The following ABCB5 variants were observed in gnomAD, a reference collection of about 807,000 sequenced individuals.
ABCB5 encodes ATP-binding cassette sub-family B member 5.
Under a neutral mutation model 144.2 loss-of-function variants are expected in ABCB5, and 155 were observed. That is an observed-to-expected ratio of 1.08 (90% CI 0.94 to 1.23). The LOEUF is 1.23. Among genes scored for constraint, ABCB5 ranks in the 50% most tolerant of loss-of-function variants. ABCB5 has a pLI of 0.00. For missense variants in ABCB5, 1,830 were observed against 1,520.8 expected, an observed-to-expected ratio of 1.20 and a Z score of -3.38; for synonymous variants, 610 against 528.6, an observed-to-expected ratio of 1.15 and a Z score of -2.11.
intron 14 of ABCB5, among the ~76,000 whole-genome samples, chr7:20,680,915 T>A (rs1785771545): frequency 6.6e-6 from 1 of 152,166 alleles, no homozygotes; most frequent in Non-Finnish European, 1.5e-5. Flanking sequence ...GATACTTGAA[T>A]ATTTAAAACA....
At chr7:20,727,955 GA>G (rs1469731843) in intron 22 of ABCB5, among the ~76,000 whole-genome samples, 1 of 152,088 alleles carries the variant, frequency 6.6e-6, no homozygotes, top group African/African-American at 2.4e-5. Context: ...TTCTGTTAAT[GA>G]AAGATTGTAA....
chr7:20,643,487 T>C lies in ABCB5; in HGVS notation c.533T>C (p.Ile178Thr), dbSNP rs758956710. 3.7e-6 allele frequency: 6 copies of C among 1,613,930 alleles called. No homozygotes were observed. In the South Asian group the frequency reaches 6.6e-5, roughly 18 times the overall value. The change falls in exon 7 of 28, where the codon ATT (isoleucine) becomes ACT (threonine). Residue 178 changes from isoleucine to threonine, a missense_variant. Physicochemically the swap from Ile to Thr is moderately conservative, Grantham distance 89. Coordinates refer to ENST00000404938, the MANE Select transcript of ABCB5 (RefSeq NM_001163941.2). ...TDDIDKISDG[I>T]GDKIALLFQN... ...GACATTGACAAAATCAGTGATGGTA[T>C]TGGAGATAAGATTGCTCTGTTGTTT... is the stretch of plus-strand genomic sequence containing the variant.
chr7:20,711,730 G>A (rs71530673), intron 20 of ABCB5, among the ~76,000 whole-genome samples: 63,901 of 128,354 alleles, frequency 0.5, 19,423 homozygotes, highest in East Asian at 0.84. Context: ...CTGGGATTAT[G>A]GGTGTGAGCC....
chr7:20,723,294 T>C, intron 21 of ABCB5, 75 bp downstream of exon 21: 3 of 1,383,108 alleles, frequency 2.2e-6, no homozygotes, highest in Non-Finnish European at 3.0e-6. Context: ...ATGTTAACTA[T>C]ATGATGTGTT....
At chr7:20,730,988 A>G (rs1347694968) in intron 23 of ABCB5, among the ~76,000 whole-genome samples, 1 of 152,160 alleles carries the variant, frequency 6.6e-6, no homozygotes, top group Non-Finnish European at 1.5e-5. Flanking sequence ...AAATTCTCAC[A>G]GAAGAATTTT....
intron 23 of ABCB5, among the ~76,000 whole-genome samples, chr7:20,738,563 T>C (rs1390421168): frequency 6.6e-6 from 1 of 152,190 alleles, no homozygotes; most frequent in Non-Finnish European, 1.5e-5. Context: ...CTACATTATA[T>C]GCAAAACAAA....
intron 5 of ABCB5, among the ~76,000 whole-genome samples, chr7:20,639,354 G>A (rs925782207): frequency 6.6e-6 from 1 of 152,006 alleles, no homozygotes; most frequent in East Asian, 1.9e-4. Flanking sequence ...TTTTAACTTC[G>A]GTAAAGTTCA....
intron 4 of ABCB5, among the ~76,000 whole-genome samples, chr7:20,630,111 T>G (rs1254613526): frequency 6.6e-6 from 1 of 152,216 alleles, no homozygotes; most frequent in Non-Finnish European, 1.5e-5. Flanking sequence ...GATTTTCCTA[T>G]GCACTGATGT....
chr7:20,647,434 A>C, intron 9 of ABCB5, 101 bp from the exon 10 acceptor site: 2 of 1,410,498 alleles, frequency 1.4e-6, no homozygotes, highest in Non-Finnish European at 1.8e-6. Context: ...TAATTCCTCT[A>C]ATATCTCTCT....
chr7:20,678,074 GA>G (rs142482040), intron 14 of ABCB5, among the ~76,000 whole-genome samples: 6,348 of 152,172 alleles, frequency 0.042, 353 homozygotes, highest in African/African-American at 0.13. Flanking sequence ...ACTGAGATGA[GA>G]AAAATATAAT....
chr7:20,641,138 G>A (rs1784286663), intron 5 of ABCB5, among the ~76,000 whole-genome samples: 1 of 151,964 alleles, frequency 6.6e-6, no homozygotes, highest in Admixed American at 6.6e-5. Context: ...AGGCATTTCT[G>A]ACTTCACAAG....
intron 14 of ABCB5, chr7:20,667,225 C>G (rs1283740426): frequency 1.1e-6 from 1 of 944,520 alleles, no homozygotes; most frequent in East Asian, 1.1e-4. Context: ...CTACCTTAAT[C>G]AAATATTTAT....
chr7:20,649,876 A>G (rs1784525012), intron 11 of ABCB5, 146 bp from the exon 12 acceptor site: 3 of 795,534 alleles, frequency 3.8e-6, no homozygotes, highest in African/African-American at 1.8e-5. Context: ...CTATTACTAC[A>G]CATGTACATG....
intron 15 of ABCB5, among the ~76,000 whole-genome samples, chr7:20,682,724 G>A (rs1337314297): frequency 6.6e-6 from 1 of 152,162 alleles, no homozygotes; most frequent in Non-Finnish European, 1.5e-5. Flanking sequence ...CTTGCTGAAT[G>A]AAGGGATGCA....
At chr7:20,643,077 A>T in intron 5 of ABCB5, 107 bp from the exon 6 acceptor site, 2 of 912,942 alleles carry the variant, frequency 2.2e-6, no homozygotes, top group Non-Finnish European at 3.3e-6. Context: ...TTCTTTTTCT[A>T]GTTCTAGCAT....
chr7:20,741,701 A>T (rs1177870994), intron 24 of ABCB5, among the ~76,000 whole-genome samples: 1 of 152,102 alleles, frequency 6.6e-6, no homozygotes, highest in Non-Finnish European at 1.5e-5. Context: ...CTATAATATG[A>T]TGGGCTCAGA....
chr7:20,671,309 T>G (rs1015203439), intron 14 of ABCB5, among the ~76,000 whole-genome samples: 1 of 152,194 alleles, frequency 6.6e-6, no homozygotes. Flanking sequence ...TATTTGACTT[T>G]GATTTTTGTT....
At chr7:20,684,218 G>C (rs911641836) in intron 15 of ABCB5, among the ~76,000 whole-genome samples, 1 of 152,120 alleles carries the variant, frequency 6.6e-6, no homozygotes, top group Non-Finnish European at 1.5e-5. Flanking sequence ...TATTTAGACT[G>C]TCCATGGTTA....
At chr7:20,622,627 C>T (rs1031112554) in intron 1 of ABCB5, among the ~76,000 whole-genome samples, 7 of 151,928 alleles carry the variant, frequency 4.6e-5, no homozygotes, top group African/African-American at 1.7e-4. Context: ...CTCTATAGAT[C>T]CATAATAAAA....
Sources: allele counts gnomAD v4.1 joint callset (sites outside exome capture counted in the v4.1 genomes callset), GRCh38; gene constraint gnomAD v4.1.1; transcripts MANE v1.5; gene names NCBI Gene and HGNC (gene_info 2026-07-23, HGNC 2026-07-21).